The following FREM2 variants were observed in gnomAD, a reference collection of about 807,000 sequenced individuals.
The protein encoded by FREM2 is FRAS1 related extracellular matrix 2, also known as FRAS1-related extracellular matrix protein 2.
FREM2 carries 119 observed loss-of-function variants against 219.9 expected under a neutral mutation model. The ratio of observed to expected loss-of-function variants is 0.54; its 90% CI spans 0.47 to 0.63. The LOEUF (loss-of-function observed/expected upper bound fraction) is 0.63, where lower values mean the gene tolerates loss of function less well. Ranked by LOEUF, FREM2 falls within the 30% of genes least tolerant of loss-of-function variation. FREM2 has a pLI of 0.00. For missense variants in FREM2, 4,030 were observed against 3,993.6 expected (o/e 1.01, Z -0.25); for synonymous variants, 1,562 against 1,522.8 (o/e 1.03, Z -0.60).
Position 38,859,706 on chromosome 13 carries a change from T to C in FREM2, c.7519+116T>C, listed in dbSNP as rs1593450306. ...CCACATATTCCATATATTTTGTAAG[T>C]AGTGAAAAATTAAAATCTATTTTTA... On this transcript the variant is annotated intron_variant, in intron 14 of 23. Transcript: ENST00000280481. The C allele has an allele frequency of 7.8e-6, 8 of 1,025,878 alleles. No individual in the cohort carries two copies. In the East Asian group the frequency reaches 1.8e-4, roughly 23 times the overall value. The allele number at this position is 1,025,878 out of a possible 1,614,324, so 63.5% of individuals were successfully genotyped here.
At chr13:38,816,474 T>C (rs2137871338) in intron 6 of FREM2, among the ~76,000 whole-genome samples, 1 of 152,306 alleles carries the variant, frequency 6.6e-6, no homozygotes. Flanking sequence ...GAAAGAATTA[T>C]TTTTTAAAAT....
At chr13:38,765,543 G>GAGT (rs1873401353) in intron 3 of FREM2, among the ~76,000 whole-genome samples, 1 of 151,952 alleles carries the variant, frequency 6.6e-6, no homozygotes, top group Admixed American at 6.6e-5. Context: ...GATCCTCAAA[G>GAGT]AGTAGACCTC....
chr13:38,830,788 G>A lies in FREM2; in HGVS notation c.6020-15785G>A, dbSNP rs145511378. Among the ~76,000 whole-genome samples the A allele has an allele frequency of 2.2e-3, 332 of 152,110 alleles. 7 individuals are homozygous for A. The highest frequency in any genetic ancestry group is 0.019 in the Admixed American group (296 of 15,276). Reference sequence around the variant, plus strand: ...CCAGCTCACATTTTTTCTTCTCTGGGTTGCTGTCCTGTGTCAGCTCTCCAT... The same window carrying A: ...CCAGCTCACATTTTTTCTTCTCTGGATTGCTGTCCTGTGTCAGCTCTCCAT... On this transcript the variant is annotated intron_variant, in intron 6 of 23. Transcript: ENST00000280481.
chr13:38,854,573 T>G (rs932608653), intron 11 of FREM2, among the ~76,000 whole-genome samples: 2 of 152,172 alleles, frequency 1.3e-5, no homozygotes, highest in Admixed American at 6.5e-5. Flanking sequence ...AAACCCAGTT[T>G]TTAATGTCAC....
chr13:38,722,913 A>C (rs1334968889), intron 2 of FREM2, among the ~76,000 whole-genome samples: 1 of 152,110 alleles, frequency 6.6e-6, no homozygotes, highest in Non-Finnish European at 1.5e-5. Flanking sequence ...AAAGTGTTGA[A>C]TATTTAAACT....
Position 38,687,157 on chromosome 13 carries a change from G to C in FREM2, c.-188G>C, listed in dbSNP as rs1419384532. On this transcript the variant is annotated 5_prime_UTR_variant, in exon 1 of 24. Coordinates refer to ENST00000280481, the MANE Select transcript of FREM2 (RefSeq NM_207361.6). ...CGGCCTGGGAAGGCTTCGGCTCCTC[G>C]GCTGCGGCTCCAGCCCGGACGGCGC... 8.0e-6 allele frequency: 6 copies of C among 752,786 alleles called. No homozygotes were observed. The highest frequency in any genetic ancestry group is 1.3e-5 in the Non-Finnish European group (6 of 469,092). The allele number at this position is 752,786 out of a possible 1,614,324, so 46.6% of individuals were successfully genotyped here.
At chr13:38,863,925 C>T (rs560316382) in intron 15 of FREM2, among the ~76,000 whole-genome samples, 28 of 152,092 alleles carry the variant, frequency 1.8e-4, no homozygotes, top group Non-Finnish European at 2.6e-4. Context: ...CTCTGCCTTC[C>T]GGGTTCAAGC....
In FREM2 at chr13:38,865,313, A is replaced by G. The variant is rs187633241; in HGVS notation, c.7983+707A>G. Among the ~76,000 whole-genome samples, 430 of 152,302 alleles carry G rather than the reference A, an allele frequency of 2.8e-3. 2 individuals carry two copies. The highest frequency in any genetic ancestry group is 8.3e-3 in the Admixed American group (127 of 15,296). Reference sequence around the variant, plus strand: ...CATCATCAGCAACAAAGTTGTTAAAATGATAAGGAAGCAAGATCTTCTTGT... The same window carrying G: ...CATCATCAGCAACAAAGTTGTTAAAGTGATAAGGAAGCAAGATCTTCTTGT... On this transcript the variant is annotated intron_variant, in intron 16 of 23. Coordinates refer to ENST00000280481, the MANE Select transcript of FREM2 (RefSeq NM_207361.6).
At chr13:38,807,189 T>TTATATATATA (rs59551341) in intron 6 of FREM2, among the ~76,000 whole-genome samples, 671 of 45,040 alleles carry the variant, frequency 0.015, 13 homozygotes, top group Admixed American at 0.02. Context: ...CTTGTCTCTG[T>TTATATATATA]TATATATATA....
At chr13:38,743,313 T>A (rs998464259) in intron 2 of FREM2, among the ~76,000 whole-genome samples, 2 of 151,296 alleles carry the variant, frequency 1.3e-5, no homozygotes, top group Non-Finnish European at 2.9e-5. Context: ...AGAGATATTT[T>A]AATATATATA....
At chr13:38,788,293 A>T (rs971674881) in intron 6 of FREM2, among the ~76,000 whole-genome samples, 2 of 152,166 alleles carry the variant, frequency 1.3e-5, no homozygotes, top group African/African-American at 4.8e-5. Context: ...TTGAGGCTTA[A>T]TCTTCACCCT....
intron 6 of FREM2, among the ~76,000 whole-genome samples, chr13:38,800,615 TTTTCGTCTGTTATTCTG>T (rs1399207010): frequency 1.1e-4 from 17 of 152,194 alleles, no homozygotes; most frequent in African/African-American, 4.1e-4. Flanking sequence ...ACTTGGGAAA[TTTTCGTCTGTTATTCTG>T]TTAAGTAGGG....
intron 11 of FREM2, among the ~76,000 whole-genome samples, chr13:38,853,317 G>GA (rs776640338): frequency 0.045 from 2,517 of 56,500 alleles, 36 homozygotes; most frequent in Non-Finnish European, 0.059. Flanking sequence ...AACTCCGTCT[G>GA]AAAAAAAAAA....
At chr13:38,748,616 C>T (rs1035979788) in intron 2 of FREM2, among the ~76,000 whole-genome samples, 1 of 152,132 alleles carries the variant, frequency 6.6e-6, no homozygotes, top group African/African-American at 2.4e-5. Flanking sequence ...CCAATCCCTT[C>T]CTTAGACTTC....
intron 2 of FREM2, among the ~76,000 whole-genome samples, chr13:38,732,522 T>G (rs950822379): frequency 3.3e-5 from 5 of 152,202 alleles, no homozygotes; most frequent in African/African-American, 1.2e-4. Flanking sequence ...TTTTACTAGC[T>G]CCATATGTGA....
At chr13:38,755,794 T>C (rs1188172097) in intron 2 of FREM2, among the ~76,000 whole-genome samples, 6 of 152,232 alleles carry the variant, frequency 3.9e-5, no homozygotes, top group Non-Finnish European at 7.3e-5. Context: ...TGAATTATCC[T>C]AAAATTGTCT....
intron 2 of FREM2, among the ~76,000 whole-genome samples, chr13:38,726,062 G>A (rs1275324477): frequency 3.3e-5 from 5 of 152,274 alleles, no homozygotes; most frequent in East Asian, 3.9e-4. Flanking sequence ...TGAGGAGGGC[G>A]CACACCATGC....
At chr13:38,778,699 G>A (rs2137824616) in intron 4 of FREM2, among the ~76,000 whole-genome samples, 1 of 152,180 alleles carries the variant, frequency 6.6e-6, no homozygotes, top group African/African-American at 2.4e-5. Context: ...TGAGTACTAG[G>A]CTTAACACCT....
chr13:38,862,308 T>C (rs1475614847), intron 15 of FREM2, among the ~76,000 whole-genome samples: 1 of 152,214 alleles, frequency 6.6e-6, no homozygotes, highest in Non-Finnish European at 1.5e-5. Flanking sequence ...CTGAGATTTT[T>C]CTGGGGATTG....
Sources: allele counts gnomAD v4.1 joint callset (sites outside exome capture counted in the v4.1 genomes callset), GRCh38; gene constraint gnomAD v4.1.1; transcripts MANE v1.5; gene names NCBI Gene and HGNC (gene_info 2026-07-23, HGNC 2026-07-21).